Variants in RIMS3 observed in about 807,000 individuals in gnomAD.
The protein encoded by RIMS3 is regulating synaptic membrane exocytosis protein 3.
A neutral mutation model predicts 29.2 loss-of-function variants in RIMS3; 15 were observed. The ratio of observed to expected loss-of-function variants is 0.51; its 90% CI spans 0.34 to 0.79. The LOEUF (loss-of-function observed/expected upper bound fraction) is 0.79. Among genes scored for constraint, RIMS3 ranks in the 30% least tolerant of loss-of-function variants. The pLI, the probability that RIMS3 is intolerant of heterozygous loss-of-function variation, is 0.01. For synonymous variants in RIMS3, 161 were observed against 170.1 expected, an observed-to-expected ratio of 0.95 and a Z score of 0.41; for missense variants, 342 against 421.4, an observed-to-expected ratio of 0.81 and a Z score of 1.65.
At chr1:40,644,204 C>T (rs898935390) in intron 2 of RIMS3, among the ~76,000 whole-genome samples, 2 of 152,224 alleles carry the variant, frequency 1.3e-5, no homozygotes, top group African/African-American at 4.8e-5. Context: ...GCCCGCCCTG[C>T]GCTGGCCTTC....
At chr1:40,689,710 C>T in the RIMS3 span, among the ~76,000 whole-genome samples, 94 of 152,272 alleles carry the variant, frequency 6.2e-4, 2 homozygotes, top group East Asian at 0.011. Flanking sequence ...AAGGGAAGGG[C>T]GGAGGCTATT....
chr1:40,644,786 A>G lies in RIMS3; in HGVS notation c.-31-2830T>C, dbSNP rs1646583902. ...CCCTACTGGCTCTGTCCTAGCCCAC[A>G]GTGGTTTTCCTGGGGCAGCTGACCA... On this transcript the variant is annotated intron_variant, in intron 2 of 7. Transcript: ENST00000372684. Among the ~76,000 whole-genome samples, 5 of 152,214 alleles carry G rather than the reference A, an allele frequency of 3.3e-5. No individual in the cohort carries two copies. The South Asian group carries it at 1.0e-3, about 32-fold the overall frequency.
chr1:40,660,293 C>G (rs1325298940), intron 1 of RIMS3, among the ~76,000 whole-genome samples: 1 of 151,556 alleles, frequency 6.6e-6, no homozygotes, highest in Non-Finnish European at 1.5e-5. Context: ...GAGTCAGGAG[C>G]TGGGTCTGGA....
intron 1 of RIMS3, among the ~76,000 whole-genome samples, chr1:40,653,746 T>C (rs1381227862): frequency 6.6e-6 from 1 of 152,088 alleles, no homozygotes; most frequent in African/African-American, 2.4e-5. Context: ...TGGGAAAAGG[T>C]CTTTGGATCA....
the RIMS3 span, among the ~76,000 whole-genome samples, chr1:40,684,007 C>A: frequency 6.6e-6 from 1 of 152,198 alleles, no homozygotes; most frequent in South Asian, 2.1e-4. Context: ...ACCCTGTCCC[C>A]CTTTCCATAA....
upstream of RIMS3, chr1:40,669,684 G>C (rs1350549522): frequency 6.6e-6 from 1 of 152,272 alleles, no homozygotes; most frequent in Non-Finnish European, 1.5e-5. Flanking sequence ...GAGGAGCAGT[G>C]ATCTATATGC....
chr1:40,656,740 G>A (rs576096034), intron 1 of RIMS3, among the ~76,000 whole-genome samples: 53 of 145,742 alleles, frequency 3.6e-4, no homozygotes, highest in South Asian at 1.5e-3. Context: ...CTGAGATTGC[G>A]CCATTGCACT....
rs749468700 is a variant in RIMS3, at chr1:40,628,843, G to C, written c.681C>G (p.Leu227=). The C allele has an allele frequency of 2.5e-6, 4 of 1,614,180 alleles. No individual in the cohort carries two copies. The highest frequency in any genetic ancestry group is 2.5e-6 in the Non-Finnish European group (3 of 1,180,036). ...TCDPLYQQAL[L]FDEGPQGKVL... ...CCTTGCCCTGGGGTCCCTCGTCAAA[G>C]AGCAGAGCCTGCTGGTACAGGGGAT... The change falls in exon 7 of 8, where the codon CTC becomes CTG. Residue 227 remains leucine (L), a synonymous_variant. Transcript: ENST00000372684.
chr1:40,658,069 A>G (rs1434890646), intron 1 of RIMS3, among the ~76,000 whole-genome samples: 1 of 152,224 alleles, frequency 6.6e-6, no homozygotes, highest in Admixed American at 6.5e-5. Flanking sequence ...AGCACAAAGA[A>G]CAGAATCAAT....
chr1:40,669,935 C>G (rs1642470740), upstream of RIMS3, among the ~76,000 whole-genome samples: 1 of 152,142 alleles, frequency 6.6e-6, no homozygotes, highest in East Asian at 1.9e-4. Context: ...CTTCTATCCA[C>G]TTAATTATCA....
In RIMS3 at chr1:40,621,746, C is replaced by A. The variant is rs1263753003; in HGVS notation, c.*4771G>T. 6.6e-6 allele frequency: 1 copy of A among 152,218 alleles called. No individual in the cohort carries two copies. Among genetic ancestry groups the A allele is most frequent in the African/African-American group, 2.4e-5 (1 of 41,434 alleles). The allele number at this position is 152,218 out of a possible 1,614,324, so 9.4% of individuals were successfully genotyped here. ...CAGCTGTCCCTGTCCAGATCACTGG[C>A]TAATGGGGTGGATGCTCAGTTGCCC... On this transcript the variant is annotated 3_prime_UTR_variant, in exon 8 of 8. Coordinates refer to ENST00000372684, the MANE Select transcript of RIMS3 (RefSeq NM_014747.3).
intron 3 of RIMS3, among the ~76,000 whole-genome samples, chr1:40,641,507 T>C (rs960613214): frequency 2.6e-5 from 4 of 152,232 alleles, no homozygotes; most frequent in Admixed American, 2.0e-4. Context: ...TTCTGTTCTT[T>C]GGTACCTGCC....
chr1:40,623,673 C>T lies in RIMS3; in HGVS notation c.*2844G>A. 1 of 380,566 alleles carries T rather than the reference C, an allele frequency of 2.6e-6. No individual in the cohort carries two copies. The highest frequency in any genetic ancestry group is 4.6e-6 in the Non-Finnish European group (1 of 219,302). The allele number at this position is 380,566 out of a possible 1,614,324, so 23.6% of individuals were successfully genotyped here. A position where few individuals can be genotyped will look rare whatever the true frequency, so the allele number is the denominator to read the frequency against. On this transcript the variant is annotated 3_prime_UTR_variant, in exon 8 of 8. Transcript: ENST00000372684. ...TGTTCCTTCCTTCCCCACCCCCCGT[C>T]CTCAAACAGCAGATGCTCCCCCACC...
At chr1:40,649,515 G>A (rs937489469) in intron 1 of RIMS3, among the ~76,000 whole-genome samples, 2 of 152,190 alleles carry the variant, frequency 1.3e-5, no homozygotes, top group African/African-American at 2.4e-5. Flanking sequence ...ACCCTGAGCC[G>A]TGGGCTCCCT....
At chr1:40,640,529 C>T (rs568397748) in intron 3 of RIMS3, among the ~76,000 whole-genome samples, 10 of 152,302 alleles carry the variant, frequency 6.6e-5, no homozygotes, top group African/African-American at 4.8e-5. Flanking sequence ...CCGGAGCCCC[C>T]GCCCCCTCAC....
At chr1:40,660,410 C>A (rs530981256) in intron 1 of RIMS3, among the ~76,000 whole-genome samples, 102 of 149,266 alleles carry the variant, frequency 6.8e-4, no homozygotes, top group African/African-American at 2.5e-3. Flanking sequence ...CAGGGTCTCG[C>A]TTTGTCACCC....
chr1:40,691,726 T>G, the RIMS3 span: 1 of 455,204 alleles, frequency 2.2e-6, no homozygotes, highest in Admixed American at 2.4e-5. Flanking sequence ...GCCGCCATCT[T>G]GCTTGTGCCC....
chr1:40,677,317 A>C, the RIMS3 span, among the ~76,000 whole-genome samples: 2 of 151,460 alleles, frequency 1.3e-5, no homozygotes, highest in Non-Finnish European at 2.9e-5. Flanking sequence ...TATAAGGTGG[A>C]AATATTGAGA....
the RIMS3 span, among the ~76,000 whole-genome samples, chr1:40,679,271 T>A: frequency 6.6e-5 from 10 of 152,248 alleles, no homozygotes; most frequent in East Asian, 1.9e-3. Context: ...GAGAGAACAA[T>A]GGCTTCACCT....
Sources: gnomAD v4.1 joint callset for allele counts (sites outside exome capture counted in the v4.1 genomes callset) on GRCh38, gnomAD v4.1.1 for gene constraint, MANE v1.5 for transcripts, NCBI Gene and HGNC (gene_info 2026-07-23, HGNC 2026-07-21) for gene names.